FAF1: variants seen among roughly 807,000 people sequenced by gnomAD.
FAF1 encodes Fas associated factor 1.
In FAF1, 25 loss-of-function variants were observed where a neutral mutation model predicts 92.5. The observed-to-expected ratio is 0.27, with a 90% CI of 0.20 to 0.38. FAF1 has a LOEUF of 0.38. Ranked by LOEUF, FAF1 falls within the 10% of genes least tolerant of loss-of-function variation. The probability of loss-of-function intolerance (pLI) is 1.00; values close to 1 mark genes in which losing one functional copy is unlikely to be tolerated. For missense variants in FAF1, 636 were observed against 793.3 expected (o/e 0.80, Z 2.38); for synonymous variants, 234 against 273.2 (o/e 0.86, Z 1.42).
chr1:50,629,008 T>C (rs1485743271), intron 8 of FAF1, among the ~76,000 whole-genome samples: 2 of 152,198 alleles, frequency 1.3e-5, no homozygotes, highest in Non-Finnish European at 2.9e-5. Flanking sequence ...CTTCAGCTCA[T>C]AGGGTTGCTG....
At chr1:50,757,151 G>T (rs1660108873) in intron 4 of FAF1, among the ~76,000 whole-genome samples, 1 of 152,078 alleles carries the variant, frequency 6.6e-6, no homozygotes, top group African/African-American at 2.4e-5. Context: ...AATTTGTTTT[G>T]TGACTGAGCA....
At chr1:50,574,898 CTTTTTTTTTTTTTTT>C (rs891527014) in intron 12 of FAF1, among the ~76,000 whole-genome samples, 1 of 71,400 alleles carries the variant, frequency 1.4e-5, no homozygotes, top group South Asian at 5.5e-4. Flanking sequence ...TGTATTAACT[CTTTTTTTTTTTTTTT>C]TTTTTTTTTT....
chr1:50,507,236 C>A (rs865828039), intron 15 of FAF1, among the ~76,000 whole-genome samples: 1 of 152,006 alleles, frequency 6.6e-6, no homozygotes, highest in African/African-American at 2.4e-5. Flanking sequence ...CAAGCCCCTG[C>A]CAAATTTGTA....
intron 1 of FAF1, among the ~76,000 whole-genome samples, chr1:50,910,096 C>T (rs1644872675): frequency 6.6e-6 from 1 of 152,226 alleles, no homozygotes; most frequent in Non-Finnish European, 1.5e-5. Flanking sequence ...AGTTTTCCTT[C>T]TAACAGTCAG....
At chr1:50,606,956 G>A (rs966846312) in intron 8 of FAF1, 1 of 152,106 alleles carries the variant, frequency 6.6e-6, no homozygotes, top group South Asian at 2.1e-4. Context: ...AACCAAAATT[G>A]AGAGAAAGAA....
At chr1:50,473,732 A>C (rs769801958) in intron 18 of FAF1, among the ~76,000 whole-genome samples, 11 of 152,174 alleles carry the variant, frequency 7.2e-5, no homozygotes, top group Non-Finnish European at 1.5e-4. Context: ...AAAAGGAACA[A>C]TAGTCAGCAC....
intron 6 of FAF1, among the ~76,000 whole-genome samples, chr1:50,717,715 G>GATTA (rs1212060051): frequency 5.9e-5 from 9 of 152,236 alleles, no homozygotes; most frequent in Admixed American, 5.2e-4. Context: ...AGACACTTAA[G>GATTA]ACCTGGCTGG....
At chr1:50,454,795 G>C (rs975233275) in intron 18 of FAF1, among the ~76,000 whole-genome samples, 4 of 152,204 alleles carry the variant, frequency 2.6e-5, no homozygotes, top group African/African-American at 9.6e-5. Context: ...TGAGTTATCT[G>C]TTGTGCCTTT....
At chr1:50,708,078 G>A (rs987216196) in intron 6 of FAF1, among the ~76,000 whole-genome samples, 1 of 152,112 alleles carries the variant, frequency 6.6e-6, no homozygotes, top group Admixed American at 6.6e-5. Context: ...AAAGTGCTGG[G>A]GTTACAGGTG....
intron 12 of FAF1, among the ~76,000 whole-genome samples, chr1:50,576,606 A>T (rs943469114): frequency 6.6e-6 from 1 of 150,994 alleles, no homozygotes; most frequent in Non-Finnish European, 1.5e-5. Flanking sequence ...GGAGGCCCCA[A>T]GGAAAAAAAA....
intron 18 of FAF1, among the ~76,000 whole-genome samples, chr1:50,467,546 C>T (rs1468997715): frequency 2.6e-5 from 4 of 152,106 alleles, no homozygotes; most frequent in Non-Finnish European, 5.9e-5. Context: ...ATCTCCTGAC[C>T]TCGTGATCTG....
chr1:50,715,899 A>G (rs1170146758), intron 6 of FAF1, among the ~76,000 whole-genome samples: 1 of 152,244 alleles, frequency 6.6e-6, no homozygotes, highest in Non-Finnish European at 1.5e-5. Context: ...ATTTTTATAT[A>G]TATGAACATA....
At chr1:50,741,893 G>C (rs753307603) in intron 5 of FAF1, among the ~76,000 whole-genome samples, 2 of 152,130 alleles carry the variant, frequency 1.3e-5, no homozygotes, top group African/African-American at 2.4e-5. Flanking sequence ...AAGTACAAAA[G>C]TCAATTACCA....
chr1:50,663,417 T>G lies in FAF1; in HGVS notation c.658-7889A>C, dbSNP rs1423514661. On this transcript the variant is annotated intron_variant, in intron 7 of 18. Coordinates refer to ENST00000396153, the MANE Select transcript of FAF1 (RefSeq NM_007051.3). ...CTTTTTTTTAAATTTTAATTTCAATTTTTTTTTTTTTTTTTTGAGACAGAG... is the reference window on the plus strand; with the variant it reads ...CTTTTTTTTAAATTTTAATTTCAATGTTTTTTTTTTTTTTTTGAGACAGAG... Among the ~76,000 whole-genome samples the G allele has an allele frequency of 2.2e-5, 3 of 138,768 alleles. No individual in the cohort carries two copies. In the East Asian group the frequency reaches 6.0e-4, roughly 28 times the overall value. The allele number at this position is 138,768 out of a possible 152,430, so 91.0% of individuals were successfully genotyped here.
At chr1:50,533,199 G>A (rs1648274271) in intron 15 of FAF1, among the ~76,000 whole-genome samples, 1 of 151,888 alleles carries the variant, frequency 6.6e-6, no homozygotes, top group Non-Finnish European at 1.5e-5. Flanking sequence ...AGCTCTCCAA[G>A]TAGCTGGGAC....
At chr1:50,931,888 A>AAATAAATAATAATAAT in intron 1 of FAF1, among the ~76,000 whole-genome samples, 1 of 129,482 alleles carries the variant, frequency 7.7e-6, no homozygotes, top group East Asian at 2.2e-4. Context: ...ATAAATAAAT[A>AAATAAATAATAATAAT]AATAATAATA....
chr1:50,779,175 C>A (rs1661071087), intron 4 of FAF1, among the ~76,000 whole-genome samples: 1 of 152,154 alleles, frequency 6.6e-6, no homozygotes, highest in African/African-American at 2.4e-5. Context: ...TCTTCTAATT[C>A]TTTTGCTATT....
intron 7 of FAF1, among the ~76,000 whole-genome samples, chr1:50,672,541 C>A (rs1186499936): frequency 6.6e-6 from 1 of 152,214 alleles, no homozygotes; most frequent in Non-Finnish European, 1.5e-5. Flanking sequence ...CCTCGACCTA[C>A]CAAAGTGCTG....
chr1:50,446,990 C>CTTTTTTTTTTTTTTTTTTTGAG (rs1572746894), intron 18 of FAF1, among the ~76,000 whole-genome samples: 2 of 151,228 alleles, frequency 1.3e-5, no homozygotes, highest in African/African-American at 4.9e-5. Flanking sequence ...TAATAATTTT[C>CTTTTTTTTTTTTTTTTTTTGAG]ATAGTAACTC....
Sources: allele counts gnomAD v4.1 joint callset (sites outside exome capture counted in the v4.1 genomes callset), GRCh38; gene constraint gnomAD v4.1.1; transcripts MANE v1.5; gene names NCBI Gene and HGNC (gene_info 2026-07-23, HGNC 2026-07-21).